The following EPHA7 variants were observed in gnomAD, a reference collection of about 807,000 sequenced individuals.
EPHA7 encodes EPH receptor A7.
Under a neutral mutation model 112.6 loss-of-function variants are expected in EPHA7, and 25 were observed. The observed-to-expected ratio is 0.22, with a 90% CI of 0.16 to 0.31. The LOEUF is 0.31. Ranked by LOEUF, EPHA7 falls within the 10% of genes least tolerant of loss-of-function variation. The probability of loss-of-function intolerance (pLI) is 1.00; values close to 1 mark genes in which losing one functional copy is unlikely to be tolerated. For synonymous variants in EPHA7, 437 were observed against 406.5 expected (o/e 1.07, Z -0.90); for missense variants, 962 against 1,212.6 (o/e 0.79, Z 3.07).
chr6:93,311,114 A>ATTTTTTTTTTTT lies in EPHA7; in HGVS notation c.1325-38704_1325-38693dup, dbSNP rs71542009. Among the ~76,000 whole-genome samples, 106 of 78,508 alleles carry ATTTTTTTTTTTT rather than the reference A, an allele frequency of 1.4e-3. 18 individuals are homozygous for ATTTTTTTTTTTT. The highest frequency in any genetic ancestry group is 4.3e-3 in the South Asian group (10 of 2,342). 51.5% of individuals were successfully genotyped at this position (78,508 alleles called of 152,430 possible). On this transcript the variant is annotated intron_variant, in intron 5 of 16. Coordinates refer to ENST00000369303, the MANE Select transcript of EPHA7 (RefSeq NM_004440.4). ...ACAGGCATGTGCATCATGCCCAGCT[A>ATTTTTTTTTTTT]TTTTTTTTTTTTTTTTTTTTTTTTT... is the stretch of plus-strand genomic sequence containing the variant.
chr6:93,370,151 T>C (rs769183732), intron 3 of EPHA7, among the ~76,000 whole-genome samples: 21 of 152,172 alleles, frequency 1.4e-4, no homozygotes, highest in Non-Finnish European at 2.5e-4. Context: ...AGCATATAAT[T>C]GAATACCTTC....
At chr6:93,343,877 T>C (rs1291585432) in intron 5 of EPHA7, among the ~76,000 whole-genome samples, 1 of 151,714 alleles carries the variant, frequency 6.6e-6, no homozygotes, top group Non-Finnish European at 1.5e-5. Flanking sequence ...TTACAAATTA[T>C]ATTAATATCT....
At chr6:93,362,977 T>C (rs1175321885) in intron 3 of EPHA7, among the ~76,000 whole-genome samples, 1 of 152,100 alleles carries the variant, frequency 6.6e-6, no homozygotes, top group Non-Finnish European at 1.5e-5. Flanking sequence ...AAAAAAGATT[T>C]CCTGATCCTT....
intron 3 of EPHA7, among the ~76,000 whole-genome samples, chr6:93,378,121 T>C (rs556516631): frequency 2.6e-5 from 4 of 151,890 alleles, no homozygotes; most frequent in Admixed American, 2.0e-4. Flanking sequence ...AGACAATTCA[T>C]AGGCAAATAA....
At chr6:93,342,857 G>T (rs949526449) in intron 5 of EPHA7, among the ~76,000 whole-genome samples, 1 of 151,538 alleles carries the variant, frequency 6.6e-6, no homozygotes, top group African/African-American at 2.4e-5. Context: ...TTATTCATTT[G>T]CCTACTCTAA....
At chr6:93,277,089 T>C (rs1771505401) in intron 5 of EPHA7, among the ~76,000 whole-genome samples, 1 of 152,034 alleles carries the variant, frequency 6.6e-6, no homozygotes, top group Non-Finnish European at 1.5e-5. Flanking sequence ...AACCTGCTAA[T>C]AGTAGAATGA....
At chr6:93,346,196 T>C (rs1374091460) in intron 5 of EPHA7, among the ~76,000 whole-genome samples, 1 of 151,826 alleles carries the variant, frequency 6.6e-6, no homozygotes, top group African/African-American at 2.4e-5. Flanking sequence ...GTCATCATTA[T>C]TACCAATTCA....
At chr6:93,278,633 G>A (rs941833328) in intron 5 of EPHA7, among the ~76,000 whole-genome samples, 2 of 151,874 alleles carry the variant, frequency 1.3e-5, no homozygotes, top group Non-Finnish European at 2.9e-5. Flanking sequence ...CTTAGAATTT[G>A]CAACATTAGA....
chr6:93,258,672 A>G (rs181076143), intron 10 of EPHA7, among the ~76,000 whole-genome samples: 1 of 148,146 alleles, frequency 6.8e-6, no homozygotes, highest in Non-Finnish European at 1.5e-5. Context: ...ATATTTAAAA[A>G]TTTTTTTATA....
At chr6:93,411,849 A>G (rs575673018) in intron 2 of EPHA7, among the ~76,000 whole-genome samples, 1 of 152,180 alleles carries the variant, frequency 6.6e-6, no homozygotes, top group Non-Finnish European at 1.5e-5. Flanking sequence ...TCAATAGACA[A>G]TCAAATGTAC....
At position 93,294,814 on chromosome 6, in the gene EPHA7, T is replaced by A. The variant is rs114611630; in HGVS notation, c.1325-22392A>T. On this transcript the variant is annotated intron_variant, in intron 5 of 16. Coordinates refer to ENST00000369303, the MANE Select transcript of EPHA7 (RefSeq NM_004440.4). Reference sequence around the variant, plus strand: ...ATTGATAAGTCACAATGTTGGAGGGTTATAGAAAGTAGAATAAAATCAGTA... The same window carrying A: ...ATTGATAAGTCACAATGTTGGAGGGATATAGAAAGTAGAATAAAATCAGTA... 3.8e-3 allele frequency among the ~76,000 whole-genome samples: 578 copies of A among 152,182 alleles called. 2 individuals are homozygous for A. The highest frequency in any genetic ancestry group is 0.012 in the African/African-American group (504 of 41,556).
Position 93,254,657 on chromosome 6 carries a change from G to A in EPHA7, c.2522C>T (p.Ser841Leu). 1 of 1,610,880 alleles carries A rather than the reference G, an allele frequency of 6.2e-7. No homozygotes were observed. Among genetic ancestry groups the A allele is most frequent in the South Asian group, 1.1e-5 (1 of 90,650 alleles). Reference sequence around the variant, plus strand: ...GAATGTAACACCTACATCTTGATTTGACATGTCCCAATAAGGTCTTTCTCC... The same window carrying A: ...GAATGTAACACCTACATCTTGATTTAACATGTCCCAATAAGGTCTTTCTCC... ...SYGERPYWDMSNQDVIKAIEE... is the reference protein window; with the variant it reads ...SYGERPYWDMLNQDVIKAIEE... Residue 841 changes from serine (S) to leucine (L), a missense_variant, in exon 14 of 17, where the codon TCA (serine) becomes TTA (leucine). Around this residue, in one of 3 missense-constraint regions of EPHA7, gnomAD observed 746 missense variants for 889.2 expected, o/e 0.84. Transcript: ENST00000369303.
intron 3 of EPHA7, among the ~76,000 whole-genome samples, chr6:93,394,623 G>C (rs150962330): frequency 6.6e-6 from 1 of 151,662 alleles, no homozygotes; most frequent in African/African-American, 2.4e-5. Context: ...TTTTAAGTTT[G>C]GTAGAACAAA....
chr6:93,245,421 G>A lies in EPHA7; in HGVS notation c.2759C>T (p.Pro920Leu). The A allele has an allele frequency of 6.2e-7, 1 of 1,613,634 alleles. No homozygotes were observed. The highest frequency in any genetic ancestry group is 8.5e-7 in the Non-Finnish European group (1 of 1,179,844). The stretch of plus-strand genomic sequence containing the variant: ...AACTGAACAAAAGGTAGTGAAATCA[G>A]GAGTGTTTTGATCCAGAAGAGGGCT... ...PISPLLDQNT[P>L]DFTTFCSVGE... The change falls in exon 16 of 17, where the codon CCT becomes CTT. Residue 920 changes from proline (P) to leucine (L), a missense_variant. Physicochemically the swap from Pro to Leu is moderately conservative, Grantham distance 98. Coordinates refer to ENST00000369303, the MANE Select transcript of EPHA7 (RefSeq NM_004440.4).
chr6:93,296,630 G>A (rs779481978), intron 5 of EPHA7, among the ~76,000 whole-genome samples: 1 of 151,296 alleles, frequency 6.6e-6, no homozygotes, highest in Non-Finnish European at 1.5e-5. Flanking sequence ...CTTACACGTG[G>A]AATCTAAGAA....
intron 5 of EPHA7, among the ~76,000 whole-genome samples, chr6:93,332,627 T>C (rs1367798148): frequency 6.6e-6 from 1 of 151,726 alleles, no homozygotes; most frequent in Non-Finnish European, 1.5e-5. Flanking sequence ...CACATTGGAT[T>C]AATACATCTC....
At chr6:93,380,358 C>T (rs3799807) in intron 3 of EPHA7, among the ~76,000 whole-genome samples, 27,546 of 151,848 alleles carry the variant, frequency 0.18, 3,096 homozygotes, top group Non-Finnish European at 0.25. Flanking sequence ...AAGCAATATG[C>T]GACAATAAAA....
intron 3 of EPHA7, among the ~76,000 whole-genome samples, chr6:93,369,720 T>C (rs1415274969): frequency 2.0e-5 from 3 of 152,174 alleles, no homozygotes; most frequent in South Asian, 2.1e-4. Context: ...TTATAATATA[T>C]GTATCCATGG....
chr6:93,308,922 T>C (rs191091774), intron 5 of EPHA7, among the ~76,000 whole-genome samples: 20 of 152,136 alleles, frequency 1.3e-4, no homozygotes, highest in Admixed American at 1.1e-3. Flanking sequence ...CCCAACTAGT[T>C]TGACAATTAC....
Sources: gnomAD v4.1 joint callset for allele counts (sites outside exome capture counted in the v4.1 genomes callset) on GRCh38, gnomAD v4.1.1 for gene constraint, gnomAD v4.1.1 regional missense constraint, MANE v1.5 for transcripts, NCBI Gene and HGNC (gene_info 2026-07-23, HGNC 2026-07-21) for gene names.